CTNNA3: variants seen among roughly 807,000 people sequenced by gnomAD.
The protein encoded by CTNNA3 is catenin alpha-3.
CTNNA3 carries 76 observed loss-of-function variants against 95.7 expected under a neutral mutation model. That is an observed-to-expected ratio of 0.79 (90% CI 0.66 to 0.96). CTNNA3 has a LOEUF of 0.96. CTNNA3 is among the 40% of genes least tolerant of loss of function. The pLI, the probability that CTNNA3 is intolerant of heterozygous loss-of-function variation, is 0.00. For missense variants in CTNNA3, 1,191 were observed against 1,089.8 expected, an observed-to-expected ratio of 1.09 and a Z score of -1.31; for synonymous variants, 431 against 374.4, an observed-to-expected ratio of 1.15 and a Z score of -1.74.
chr10:67,485,788 T>C (rs932765599), intron 5 of CTNNA3, among the ~76,000 whole-genome samples: 1 of 152,182 alleles, frequency 6.6e-6, no homozygotes, highest in Non-Finnish European at 1.5e-5. Flanking sequence ...ACAAGAAACC[T>C]AAAAGGCCTC....
chr10:67,705,257 A>T (rs933089527), intron 1 of CTNNA3, among the ~76,000 whole-genome samples: 3 of 152,132 alleles, frequency 2.0e-5, no homozygotes, highest in Admixed American at 2.0e-4. Context: ...ATACCATTTG[A>T]CCCAGCCATC....
intron 13 of CTNNA3, among the ~76,000 whole-genome samples, chr10:66,119,904 A>G (rs10822725): frequency 0.22 from 32,787 of 152,016 alleles, 3,705 homozygotes; most frequent in Admixed American, 0.27. Context: ...GGTTTCATAT[A>G]TTGAAAAATA....
At chr10:66,010,738 C>A (rs2078990620) in intron 15 of CTNNA3, among the ~76,000 whole-genome samples, 1 of 152,118 alleles carries the variant, frequency 6.6e-6, no homozygotes, top group Non-Finnish European at 1.5e-5. Flanking sequence ...CACATGATAA[C>A]TAATTGTAGG....
At chr10:65,921,526 TC>T (rs2077085903) in intron 17 of CTNNA3, among the ~76,000 whole-genome samples, 2 of 152,244 alleles carry the variant, frequency 1.3e-5, no homozygotes, top group Non-Finnish European at 2.9e-5. Context: ...CTAGTCTAAC[TC>T]CCTATAGTTT....
chr10:66,982,871 T>C (rs868259597), intron 7 of CTNNA3, among the ~76,000 whole-genome samples: 3 of 152,158 alleles, frequency 2.0e-5, no homozygotes, highest in Middle Eastern at 6.8e-3. Context: ...TCAGCTGACC[T>C]GGTAGGAAGA....
At chr10:66,385,508 A>G (rs1477364026) in intron 11 of CTNNA3, among the ~76,000 whole-genome samples, 1 of 152,218 alleles carries the variant, frequency 6.6e-6, no homozygotes, top group Non-Finnish European at 1.5e-5. Context: ...ATTCTACCAG[A>G]GATACAAAGA....
At chr10:66,420,420 A>T (rs1289314892) in intron 11 of CTNNA3, among the ~76,000 whole-genome samples, 1 of 152,154 alleles carries the variant, frequency 6.6e-6, no homozygotes, top group Non-Finnish European at 1.5e-5. Context: ...AAAACGCAGT[A>T]AAATATCACA....
At chr10:66,118,456 A>G (rs2082432958) in intron 13 of CTNNA3, 1 of 152,198 alleles carries the variant, frequency 6.6e-6, no homozygotes, top group African/African-American at 2.4e-5. Context: ...CTATTCTTAA[A>G]ATCAATCATT....
chr10:67,620,919 GTGTGTATATATA>G (rs1336452003), intron 2 of CTNNA3, among the ~76,000 whole-genome samples: 2 of 100,164 alleles, frequency 2.0e-5, no homozygotes, highest in African/African-American at 9.0e-5. Context: ...GTGTGTGTGT[GTGTGTATATATA>G]TATATATATA....
chr10:66,529,573 G>C lies in CTNNA3; in HGVS notation c.1375-8800C>G, dbSNP rs150296253. Among the ~76,000 whole-genome samples the C allele has an allele frequency of 1.7e-3, 264 of 151,112 alleles. 3 individuals carry two copies. The East Asian group carries it at 0.019, about 11-fold the overall frequency. On this transcript the variant is annotated intron_variant, in intron 10 of 17. Transcript: ENST00000433211. Reference sequence around the variant, plus strand: ...TTTCCCTTCACCTTCCTTTTGATGTGACAGTGGTTTTCTTCAAAAAAGTTA... The same window carrying C: ...TTTCCCTTCACCTTCCTTTTGATGTCACAGTGGTTTTCTTCAAAAAAGTTA...
chr10:66,818,119 A>G (rs1328647371), intron 7 of CTNNA3, among the ~76,000 whole-genome samples: 1 of 151,542 alleles, frequency 6.6e-6, no homozygotes, highest in Admixed American at 6.6e-5. Flanking sequence ...CAGTCTAGGA[A>G]TAGAAGACTA....
At chr10:67,334,115 A>G (rs1285348684) in intron 5 of CTNNA3, 1 of 152,364 alleles carries the variant, frequency 6.6e-6, no homozygotes, top group African/African-American at 2.4e-5. Context: ...CAGCCACCCA[A>G]GCTGCTGAAA....
intron 5 of CTNNA3, among the ~76,000 whole-genome samples, chr10:67,387,956 G>T (rs1027092809): frequency 2.0e-5 from 3 of 152,100 alleles, no homozygotes; most frequent in African/African-American, 7.2e-5. Flanking sequence ...CACAAAGATG[G>T]GGAAAAAACA....
intron 7 of CTNNA3, among the ~76,000 whole-genome samples, chr10:67,049,105 A>G (rs1854934160): frequency 1.3e-5 from 2 of 151,458 alleles, no homozygotes; most frequent in African/African-American, 2.4e-5. Context: ...CTTGTGGTCT[A>G]TGGAACAAGA....
chr10:67,685,781 T>C (rs1016552882), intron 1 of CTNNA3, among the ~76,000 whole-genome samples: 1 of 152,204 alleles, frequency 6.6e-6, no homozygotes, highest in African/African-American at 2.4e-5. Flanking sequence ...CCCTCTTTGA[T>C]TTCTTCATCT....
chr10:67,542,152 T>A (rs1840702536), intron 3 of CTNNA3, among the ~76,000 whole-genome samples: 1 of 152,060 alleles, frequency 6.6e-6, no homozygotes, highest in African/African-American at 2.4e-5. Flanking sequence ...ACAACTTAAA[T>A]TCTTATTGCT....
intron 11 of CTNNA3, among the ~76,000 whole-genome samples, chr10:66,444,613 C>G (rs111432703): frequency 4.6e-5 from 7 of 152,144 alleles, no homozygotes; most frequent in African/African-American, 1.7e-4. Context: ...ACTTTACAGA[C>G]AAGCAAATGC....
intron 5 of CTNNA3, among the ~76,000 whole-genome samples, chr10:67,365,548 A>G (rs1462208081): frequency 6.6e-6 from 1 of 152,154 alleles, no homozygotes. Context: ...AAACAACCCC[A>G]TCAAAAAGTG....
intron 7 of CTNNA3, among the ~76,000 whole-genome samples, chr10:67,074,254 T>A (rs1564872998): frequency 6.6e-6 from 1 of 151,470 alleles, no homozygotes; most frequent in Non-Finnish European, 1.5e-5. Flanking sequence ...ATGGTCTTGA[T>A]CTCTCGACCT....
Sources: gnomAD v4.1 joint callset for allele counts (sites outside exome capture counted in the v4.1 genomes callset) on GRCh38, gnomAD v4.1.1 for gene constraint, MANE v1.5 for transcripts, NCBI Gene and HGNC (gene_info 2026-07-23, HGNC 2026-07-21) for gene names.